The following EHF variants were observed in gnomAD, a reference collection of about 807,000 sequenced individuals.
EHF encodes the protein ESE3 transcription factor.
A neutral mutation model predicts 45.1 loss-of-function variants in EHF; 14 were observed. That is an observed-to-expected ratio of 0.31 (90% confidence interval 0.21 to 0.49). The LOEUF is 0.49. Among genes scored for constraint, EHF ranks in the 20% least tolerant of loss-of-function variants. The pLI is 0.99. For missense variants in EHF, 282 were observed against 371.4 expected (o/e 0.76, Z 1.98); for synonymous variants, 136 against 131.8 (o/e 1.03, Z -0.22).
Position 34,661,828 on chromosome 11 carries a change from C to T in EHF, c.*2897C>T, listed in dbSNP as rs1026498048. The stretch of plus-strand genomic sequence containing the variant: ...CTAAACATGTTATCCTTAAACCCCC[C>T]GTATGCCTGAGTTGAAAGGGCTCTC... On this transcript the variant is annotated 3_prime_UTR_variant, in exon 9 of 9. Transcript: ENST00000257831. 6.6e-5 allele frequency among the ~76,000 whole-genome samples: 10 copies of T among 152,076 alleles called. No individual in the cohort carries two copies. Among genetic ancestry groups the T allele is most frequent in the South Asian group, 2.1e-4 (1 of 4,822 alleles).
At chr11:34,648,354 T>C (rs948598502) in intron 3 of EHF, among the ~76,000 whole-genome samples, 1 of 151,468 alleles carries the variant, frequency 6.6e-6, no homozygotes, top group Non-Finnish European at 1.5e-5. Context: ...CAAATATATA[T>C]ATATATATAT....
chr11:34,657,576 C>T (rs759462668), intron 7 of EHF, among the ~76,000 whole-genome samples: 5 of 151,966 alleles, frequency 3.3e-5, no homozygotes, highest in African/African-American at 1.2e-4. Flanking sequence ...ATCACTTGAG[C>T]TCAGGAGTTC....
intron 1 of EHF, among the ~76,000 whole-genome samples, chr11:34,633,327 G>A (rs955447119): frequency 2.0e-5 from 3 of 152,156 alleles, no homozygotes; most frequent in South Asian, 4.1e-4. Context: ...AACTTTATAA[G>A]GACTTGCTTG....
At chr11:34,623,482 C>A (rs899387649) in intron 1 of EHF, among the ~76,000 whole-genome samples, 1 of 152,188 alleles carries the variant, frequency 6.6e-6, no homozygotes, top group African/African-American at 2.4e-5. Flanking sequence ...CATTCCCACT[C>A]GCGATTCCAT....
chr11:34,645,149 C>A (rs964516373), intron 2 of EHF, among the ~76,000 whole-genome samples: 1 of 152,142 alleles, frequency 6.6e-6, no homozygotes, highest in African/African-American at 2.4e-5. Context: ...GCTCTCTCAG[C>A]CCTGTTACAT....
At chr11:34,641,804 G>A (rs1854029304) in intron 1 of EHF, among the ~76,000 whole-genome samples, 1 of 152,098 alleles carries the variant, frequency 6.6e-6, no homozygotes, top group Non-Finnish European at 1.5e-5. Context: ...TAAAATGTTT[G>A]CATTGTTATA....
At chr11:34,651,468 T>G (rs1347692487) in intron 4 of EHF, 74 bp from the exon 5 acceptor site, 2 of 1,269,636 alleles carry the variant, frequency 1.6e-6, no homozygotes, top group African/African-American at 2.9e-5. Context: ...TGATGAACAA[T>G]GAATTAGAAA....
chr11:34,634,287 G>A (rs182156239), intron 1 of EHF, among the ~76,000 whole-genome samples: 1 of 152,292 alleles, frequency 6.6e-6, no homozygotes, highest in Admixed American at 6.5e-5. Flanking sequence ...GGCAAATGCT[G>A]TGAATTCACC....
chr11:34,662,374 C>T lies in EHF; in HGVS notation c.*3443C>T, dbSNP rs1856138103. 1.3e-5 allele frequency among the ~76,000 whole-genome samples: 2 copies of T among 151,886 alleles called. No homozygotes were observed. Among genetic ancestry groups the T allele is most frequent in the South Asian group, 2.1e-4 (1 of 4,816 alleles). ...GCGCTGAAATGAAACCAAAACAGGC[C>T]GTTGGGTTCCACAAGTCAATATATG... On this transcript the variant is annotated 3_prime_UTR_variant, in exon 9 of 9. Coordinates refer to ENST00000257831, the MANE Select transcript of EHF (RefSeq NM_012153.6).
At chr11:34,627,033 G>A (rs1383012168) in intron 1 of EHF, among the ~76,000 whole-genome samples, 1 of 152,114 alleles carries the variant, frequency 6.6e-6, no homozygotes, top group Non-Finnish European at 1.5e-5. Context: ...TGAACATCAA[G>A]GGAAGTCTTC....
At chr11:34,640,847 C>T (rs1211810836) in intron 1 of EHF, among the ~76,000 whole-genome samples, 1 of 152,164 alleles carries the variant, frequency 6.6e-6, no homozygotes, top group Non-Finnish European at 1.5e-5. Context: ...GAGCTAGTGA[C>T]GCTCCTCATG....
intron 2 of EHF, among the ~76,000 whole-genome samples, chr11:34,645,377 T>C (rs1311551312): frequency 6.6e-6 from 1 of 152,170 alleles, no homozygotes; most frequent in East Asian, 1.9e-4. Context: ...ACTCCTCAGA[T>C]GCCTACCTTA....
At chr11:34,638,426 A>G (rs1853661429) in intron 1 of EHF, among the ~76,000 whole-genome samples, 1 of 152,158 alleles carries the variant, frequency 6.6e-6, no homozygotes, top group Admixed American at 6.5e-5. Context: ...GCCTTGTCTC[A>G]TTTAACCCTC....
chr11:34,649,038 G>C lies in EHF; in HGVS notation c.363G>C (p.Leu121=), dbSNP rs775856876. ...TCACAGGCCAGTGCAGTAGTGACCT[G>C]TTCCAGTCCACACACAATGTCATTG... ...LKWNGQCSSD[L]FQSTHNVIVK... is the part of the protein sequence containing the mutation. Residue 121 remains leucine, a synonymous_variant, in exon 4 of 9, where the codon CTG becomes CTC. Coordinates refer to ENST00000257831, the MANE Select transcript of EHF (RefSeq NM_012153.6). The C allele has an allele frequency of 6.2e-7, 1 of 1,614,034 alleles. No homozygotes were observed. Among genetic ancestry groups the C allele is most frequent in the Non-Finnish European group, 8.5e-7 (1 of 1,179,922 alleles).
Position 34,646,359 on chromosome 11 carries a change from GC to G in EHF, c.98-78del, listed in dbSNP as rs1420298620. The G allele has an allele frequency of 3.8e-6, 6 of 1,584,970 alleles. No individual in the cohort carries two copies. In the African/African-American group the frequency reaches 8.1e-5, roughly 21 times the overall value. On this transcript the variant is annotated intron_variant, in intron 2 of 8. Transcript: ENST00000257831. Reference sequence around the variant, plus strand: ...GGTTGTGTCTCTGAGATATCTGGCAGCCAACAGTACATCCCTGTGTCAGATA... The same window carrying G: ...GGTTGTGTCTCTGAGATATCTGGCAGCAACAGTACATCCCTGTGTCAGATA...
chr11:34,630,844 G>A (rs1353736158), intron 1 of EHF, among the ~76,000 whole-genome samples: 1 of 151,962 alleles, frequency 6.6e-6, no homozygotes, highest in African/African-American at 2.4e-5. Flanking sequence ...AATGCTCCTG[G>A]AGAGGCAACA....
chr11:34,629,804 C>T (rs1275993577), intron 1 of EHF, among the ~76,000 whole-genome samples: 1 of 152,180 alleles, frequency 6.6e-6, no homozygotes, highest in Non-Finnish European at 1.5e-5. Context: ...TCTGTGATGG[C>T]TGAGACATCA....
chr11:34,658,771 C>T (rs1427169372), intron 8 of EHF, 43 bp downstream of exon 8: 1 of 1,606,858 alleles, frequency 6.2e-7, no homozygotes. Context: ...GCTGTACGAC[C>T]CATTATTTAC....
rs778613952 is a variant in EHF at position 34,662,307 on chromosome 11, A to G, written c.*3376A>G. Among the ~76,000 whole-genome samples the G allele has an allele frequency of 4.6e-5, 7 of 152,044 alleles. No homozygotes were observed. The highest frequency in any genetic ancestry group is 1.0e-4 in the Non-Finnish European group (7 of 67,990). On this transcript the variant is annotated 3_prime_UTR_variant, in exon 9 of 9. Transcript: ENST00000257831. ...AACCTTCAAGGACATATTATCTACTATGAACATTTTACTGTGAGACTCTTT... is the reference window on the plus strand; with the variant it reads ...AACCTTCAAGGACATATTATCTACTGTGAACATTTTACTGTGAGACTCTTT...
Sources: allele counts gnomAD v4.1 joint callset (sites outside exome capture counted in the v4.1 genomes callset), GRCh38; gene constraint gnomAD v4.1.1; transcripts MANE v1.5; gene names NCBI Gene and HGNC (gene_info 2026-07-23, HGNC 2026-07-21).